The following RBFOX3 variants were observed in gnomAD, a reference collection of about 807,000 sequenced individuals.
RBFOX3 encodes RNA binding protein fox-1 homolog 3.
In RBFOX3, 17 loss-of-function variants were observed where a neutral mutation model predicts 48.7. The observed-to-expected ratio is 0.35, with a 90% confidence interval of 0.24 to 0.52. The LOEUF is 0.52. Ranked by LOEUF, RBFOX3 falls within the 20% of genes least tolerant of loss-of-function variation. The probability of loss-of-function intolerance (pLI) is 0.94; values close to 1 mark genes in which losing one functional copy is unlikely to be tolerated. For missense variants in RBFOX3, 382 were observed against 497.5 expected, an observed-to-expected ratio of 0.77 and a Z score of 2.21; for synonymous variants, 212 against 209.5, an observed-to-expected ratio of 1.01 and a Z score of -0.10.
intron 3 of RBFOX3, among the ~76,000 whole-genome samples, chr17:79,274,217 T>G (rs2068288200): frequency 6.6e-6 from 1 of 152,190 alleles, no homozygotes. Context: ...CTCCTGCCTT[T>G]TGGCTGGAGA....
chr17:79,533,085 C>T (rs1032957712), intron 1 of RBFOX3, among the ~76,000 whole-genome samples: 4 of 152,230 alleles, frequency 2.6e-5, no homozygotes, highest in Non-Finnish European at 5.9e-5. Flanking sequence ...GTTTTCACAT[C>T]CCTGTGAAAG....
At chr17:79,549,240 T>C (rs1811976665) in intron 1 of RBFOX3, among the ~76,000 whole-genome samples, 1 of 152,210 alleles carries the variant, frequency 6.6e-6, no homozygotes, top group African/African-American at 2.4e-5. Context: ...GGCCTTACTT[T>C]GAAGTCCTAA....
intron 2 of RBFOX3, among the ~76,000 whole-genome samples, chr17:79,353,128 G>A (rs1230039561): frequency 6.6e-6 from 1 of 152,220 alleles, no homozygotes; most frequent in Non-Finnish European, 1.5e-5. Flanking sequence ...AGCCTGCGTT[G>A]GCCTGGACGA....
chr17:79,152,934 C>T (rs2044904728), intron 4 of RBFOX3, among the ~76,000 whole-genome samples: 1 of 152,152 alleles, frequency 6.6e-6, no homozygotes, highest in Non-Finnish European at 1.5e-5. Context: ...GGGGTGTTTC[C>T]AGCCCTTCTC....
At chr17:79,542,900 C>T (rs2089914994) in intron 1 of RBFOX3, among the ~76,000 whole-genome samples, 1 of 152,140 alleles carries the variant, frequency 6.6e-6, no homozygotes, top group South Asian at 2.1e-4. Flanking sequence ...AAGGGATTAT[C>T]AGTCACGTGT....
At chr17:79,483,587 T>A (rs1323401555) in intron 1 of RBFOX3, among the ~76,000 whole-genome samples, 1 of 147,606 alleles carries the variant, frequency 6.8e-6, no homozygotes, top group Admixed American at 6.8e-5. Context: ...TCCCCACGAA[T>A]TTCCCCCCAG....
Position 79,482,883 on chromosome 17 carries a change from G to A in RBFOX3, c.-319-285C>T, listed in dbSNP as rs35423679. On this transcript the variant is annotated intron_variant, in intron 1 of 14. Coordinates refer to ENST00000693108, the MANE Select transcript of RBFOX3 (RefSeq NM_001350451.2). The surrounding 1 kb of genome is among the most constrained non-coding windows in gnomAD (Gnocchi z 4.1). ...CCAGGGTCCGCCCCTCTCCCAGCCC[G>A]CTTGCAATGGTCCCCCAATCCCAGG... 0.67 allele frequency among the ~76,000 whole-genome samples: 101,161 copies of A among 151,416 alleles called. 33,999 individuals are homozygous for A. The highest frequency in any genetic ancestry group is 0.82 in the East Asian group (4,172 of 5,118).
chr17:79,596,147 C>T (rs1460112333), intron 1 of RBFOX3, among the ~76,000 whole-genome samples: 6 of 152,216 alleles, frequency 3.9e-5, no homozygotes, highest in Non-Finnish European at 8.8e-5. Flanking sequence ...ACCCCCCTTT[C>T]AGAGGCAGTC....
At chr17:79,456,814 G>A (rs2149216767) in intron 2 of RBFOX3, among the ~76,000 whole-genome samples, 1 of 152,096 alleles carries the variant, frequency 6.6e-6, no homozygotes, top group Admixed American at 6.5e-5. Context: ...GAGAGGTCTG[G>A]GCACAAGTCA....
At chr17:79,329,535 A>G (rs1035571908) in intron 2 of RBFOX3, among the ~76,000 whole-genome samples, 11 of 152,120 alleles carry the variant, frequency 7.2e-5, no homozygotes, top group African/African-American at 2.7e-4. Flanking sequence ...AAGGGCCACT[A>G]TATAACCTGA....
Position 79,115,703 on chromosome 17 carries a change from A to AT in RBFOX3, c.12_13insA (p.Tyr5IlefsTer129). ...GGAGGGGGGTACTGGGCGGGGGGGT[A>AT]GGGCTGGGCCATCGCTTCAGGCGGA... On this transcript the variant is annotated frameshift_variant, in exon 5 of 15. Transcript: ENST00000693108. LOFTEE classifies it high-confidence loss of function. 1.3e-5 allele frequency: 5 copies of AT among 383,550 alleles called. No individual in the cohort carries two copies. The highest frequency in any genetic ancestry group is 9.7e-6 in the Non-Finnish European group (2 of 207,122). The allele number at this position is 383,550 out of a possible 1,614,324, so 23.8% of individuals were successfully genotyped here.
chr17:79,507,376 G>A (rs2083317825), intron 1 of RBFOX3, among the ~76,000 whole-genome samples: 1 of 152,156 alleles, frequency 6.6e-6, no homozygotes, highest in Non-Finnish European at 1.5e-5. Flanking sequence ...TTATAATTCT[G>A]AGGTTGGAGG....
At chr17:79,268,299 C>CA (rs1456081033) in intron 3 of RBFOX3, among the ~76,000 whole-genome samples, 5 of 152,168 alleles carry the variant, frequency 3.3e-5, no homozygotes, top group African/African-American at 1.2e-4. Flanking sequence ...CACCTTGCCT[C>CA]ACCTCCCATT....
At chr17:79,136,483 C>A (rs995980742) in intron 4 of RBFOX3, 1 of 152,684 alleles carries the variant, frequency 6.5e-6, no homozygotes, top group African/African-American at 2.4e-5. Flanking sequence ...GAAGCACCCC[C>A]CACCGGCCCC....
At chr17:79,548,913 A>G (rs1249044347) in intron 1 of RBFOX3, among the ~76,000 whole-genome samples, 2 of 152,270 alleles carry the variant, frequency 1.3e-5, no homozygotes, top group Non-Finnish European at 2.9e-5. Context: ...CTCGCTAGAT[A>G]CCATGGTAAT....
At chr17:79,138,183 A>G (rs2040714004) in intron 4 of RBFOX3, among the ~76,000 whole-genome samples, 2 of 152,146 alleles carry the variant, frequency 1.3e-5, no homozygotes, top group Non-Finnish European at 2.9e-5. Flanking sequence ...CCACCGCAGG[A>G]GCAACCTGTA....
At chr17:79,553,509 C>A (rs1218910246) in intron 1 of RBFOX3, among the ~76,000 whole-genome samples, 1 of 152,074 alleles carries the variant, frequency 6.6e-6, no homozygotes, top group Non-Finnish European at 1.5e-5. Context: ...TCTTCTTTAT[C>A]TTTGCTGTGG....
chr17:79,120,775 T>C (rs1298325585), intron 4 of RBFOX3, among the ~76,000 whole-genome samples: 3 of 151,918 alleles, frequency 2.0e-5, no homozygotes, highest in African/African-American at 4.8e-5. Flanking sequence ...GGTGGATGGA[T>C]AGACGGATGA....
At chr17:79,416,936 C>T (rs2065464458) in intron 2 of RBFOX3, among the ~76,000 whole-genome samples, 1 of 152,218 alleles carries the variant, frequency 6.6e-6, no homozygotes, top group African/African-American at 2.4e-5. Flanking sequence ...GACCCATGTT[C>T]CTTACCCGCA....
Sources: allele counts gnomAD v4.1 joint callset (sites outside exome capture counted in the v4.1 genomes callset), GRCh38; gene constraint gnomAD v4.1.1; non-coding constraint Gnocchi (gnomAD v3.1); transcripts MANE v1.5; gene names NCBI Gene and HGNC (gene_info 2026-07-23, HGNC 2026-07-21).